Variants in MAP3K11 observed in about 807,000 individuals in gnomAD.
MAP3K11 encodes the protein SH3 domain-containing proline-rich kinase.
In MAP3K11, 46 loss-of-function variants were observed where a neutral mutation model predicts 84.9. The ratio of observed to expected loss-of-function variants is 0.54; its 90% CI spans 0.43 to 0.69. MAP3K11 has a LOEUF of 0.69. Ranked by LOEUF, MAP3K11 falls within the 30% of genes least tolerant of loss-of-function variation. The pLI, the probability that MAP3K11 is intolerant of heterozygous loss-of-function variation, is 0.00. For missense variants in MAP3K11, 1,053 were observed against 1,198.3 expected, an observed-to-expected ratio of 0.88 and a Z score of 1.79; for synonymous variants, 527 against 514.7, an observed-to-expected ratio of 1.02 and a Z score of -0.32.
intron 8 of MAP3K11, 85 bp from the exon 9 acceptor site, chr11:65,599,853 A>C: frequency 6.9e-7 from 1 of 1,445,358 alleles, no homozygotes; most frequent in South Asian, 1.2e-5. Context: ...TCTTGGAACA[A>C]GGACTGAGTT....
At position 65,605,741 on chromosome 11, in the gene MAP3K11, G is replaced by C. The variant is rs7924612; in HGVS notation, c.1831+20C>G. ...GGAAGGAGCTCAGCCAGATCCTGCC[G>C]GGGGAGGAAGGCCACTCACCATTGA... On this transcript the variant is annotated intron_variant, in intron 8 of 9. Coordinates refer to ENST00000309100, the MANE Select transcript of MAP3K11 (RefSeq NM_002419.4). 2.5e-6 allele frequency: 4 copies of C among 1,575,778 alleles called. No individual in the cohort carries two copies. In the South Asian group the frequency reaches 4.5e-5, roughly 18 times the overall value.
At position 65,608,327 on chromosome 11, in the gene MAP3K11, G is replaced by A; in HGVS notation, c.861C>T (p.Ala287=). The change falls in exon 2 of 10, where the codon GCC becomes GCT. Residue 287 remains alanine (A), a synonymous_variant. Coordinates refer to ENST00000309100, the MANE Select transcript of MAP3K11 (RefSeq NM_002419.4). ...TTQMSAAGTY[A]WMAPEVIKAS... is the part of the protein sequence containing the mutation. ...CCTTGATAACCTCAGGAGCCATCCA[G>A]GCGTAGGTGCCCGCGGCACTCATTT... is the stretch of plus-strand genomic sequence containing the variant. 1 of 1,614,252 alleles carries A rather than the reference G, an allele frequency of 6.2e-7. No individual in the cohort carries two copies. Among genetic ancestry groups the A allele is most frequent in the Non-Finnish European group, 8.5e-7 (1 of 1,180,034 alleles).
At chr11:65,612,795 A>T in intron 1 of MAP3K11, 1 of 426,000 alleles carries the variant, frequency 2.3e-6, no homozygotes, top group Non-Finnish European at 4.0e-6. Context: ...CCGCAGCTGC[A>T]GGCTGGGGTC....
intron 9 of MAP3K11, 141 bp from the exon 10 acceptor site, chr11:65,598,769 T>C (rs7932616): frequency 0.23 from 128,312 of 566,610 alleles, 15,769 homozygotes; most frequent in Middle Eastern, 0.32. Flanking sequence ...TCCTGCTCCG[T>C]GGTGCCTCTG....
In MAP3K11 at chr11:65,613,960, C is replaced by G. The variant is rs1457099619; in HGVS notation, c.-204G>C. ...GGCTTCTGGAGGAGGGCACCCAGGG[C>G]AGTGTGGTCAGGCCGGGGGGGTGGG... On this transcript the variant is annotated 5_prime_UTR_variant, in exon 1 of 10. Coordinates refer to ENST00000309100, the MANE Select transcript of MAP3K11 (RefSeq NM_002419.4). 3.0e-6 allele frequency: 2 copies of G among 657,496 alleles called. No homozygotes were observed. The highest frequency in any genetic ancestry group is 5.0e-6 in the Non-Finnish European group (2 of 402,032). The allele number at this position is 657,496 out of a possible 1,614,324, so 40.7% of individuals were successfully genotyped here.
Position 65,598,562 on chromosome 11 carries a change from G to A in MAP3K11, c.2273C>T (p.Ser758Leu), listed in dbSNP as rs1270507044. 6.2e-7 allele frequency: 1 copy of A among 1,604,912 alleles called. No homozygotes were observed. Among genetic ancestry groups the A allele is most frequent in the African/African-American group, 1.3e-5 (1 of 74,968 alleles). ...SAPGTPGTPR[S>L]PPLGLISRPR... is the part of the protein sequence containing the mutation. ...TCGGCTGATGAGGCCCAGGGGTGGT[G>A]AACGTGGGGTGCCTGGGGTGCCAGG... Residue 758 changes from serine (S) to leucine (L), a missense_variant, in exon 10 of 10, where the codon TCA (serine) becomes TTA (leucine). Physicochemically the swap from Ser to Leu is moderately radical, Grantham distance 145 (BLOSUM62 -2). This residue lies in a region of MAP3K11 where 583 missense variants were observed against 566.6 expected (regional missense o/e 1.03). Coordinates refer to ENST00000309100, the MANE Select transcript of MAP3K11 (RefSeq NM_002419.4).
Position 65,606,042 on chromosome 11 carries a change from G to A in MAP3K11, c.1643C>T (p.Ser548Phe), listed in dbSNP as rs1369199782. Reference sequence around the variant, plus strand: ...GCTTGAGTCCTCCAGACGTCGGGGGGACTGGCGGCCCCATGCCTGGCCTGG... The same window carrying A: ...GCTTGAGTCCTCCAGACGTCGGGGGAACTGGCGGCCCCATGCCTGGCCTGG... The part of the protein sequence containing the change: ...AEPGQAWGRQ[S>F]PRRLEDSSNG... The change falls in exon 7 of 10, where the codon TCC becomes TTC. Residue 548 changes from serine (S) to phenylalanine (F), a missense_variant. Ser to Phe is a radical substitution (Grantham distance 155). Coordinates refer to ENST00000309100, the MANE Select transcript of MAP3K11 (RefSeq NM_002419.4). The A allele has an allele frequency of 6.3e-7, 1 of 1,592,686 alleles. No individual in the cohort carries two copies. The highest frequency in any genetic ancestry group is 1.8e-5 in the Admixed American group (1 of 54,596).
At chr11:65,607,114 GA>G (rs1203168490) in intron 5 of MAP3K11, 155 bp downstream of exon 5, 32 of 1,094,036 alleles carry the variant, frequency 2.9e-5, no homozygotes, top group African/African-American at 6.7e-5. Context: ...CCCACAGACA[GA>G]AAAAAAACAC....
chr11:65,606,959 TG>T, intron 5 of MAP3K11, 155 bp from the exon 6 acceptor site: 1 of 593,716 alleles, frequency 1.7e-6, no homozygotes. Flanking sequence ...CTTGAGCCCC[TG>T]GGTCTGGATA....
intron 8 of MAP3K11, among the ~76,000 whole-genome samples, chr11:65,600,108 C>T (rs4608078): frequency 0.014 from 2,094 of 152,340 alleles, 24 homozygotes; most frequent in Non-Finnish European, 0.02. Context: ...AACCTCCAGG[C>T]CCAGGGGCAT....
At chr11:65,606,541 G>A in intron 6 of MAP3K11, 150 bp downstream of exon 6, 1 of 569,548 alleles carries the variant, frequency 1.8e-6, no homozygotes, top group Non-Finnish European at 3.1e-6. Context: ...TGCTTGGGGA[G>A]TTCAGAGGTA....
chr11:65,598,678 G>T (rs1217773406), intron 9 of MAP3K11, 50 bp from the exon 10 acceptor site: 10 of 1,368,488 alleles, frequency 7.3e-6, no homozygotes, highest in Non-Finnish European at 9.8e-6. Flanking sequence ...CAACTGCTGA[G>T]GTCCCCAAGA....
chr11:65,602,000 G>A (rs548773585), intron 8 of MAP3K11, among the ~76,000 whole-genome samples: 4 of 151,482 alleles, frequency 2.6e-5, no homozygotes, highest in South Asian at 2.1e-4. Flanking sequence ...TCAAGAAATC[G>A]AGACCATCCT....
intron 1 of MAP3K11, chr11:65,609,158 A>G (rs995033940): frequency 4.6e-5 from 7 of 152,200 alleles, no homozygotes; most frequent in Admixed American, 2.0e-4. Flanking sequence ...TGATTTCAAG[A>G]GAGATCTGTG....
At chr11:65,598,898 C>T (rs1257946092) in intron 9 of MAP3K11, among the ~76,000 whole-genome samples, 2 of 152,156 alleles carry the variant, frequency 1.3e-5, no homozygotes, top group East Asian at 1.9e-4. Flanking sequence ...CCTTAAATTT[C>T]CTCATCTAAA....
rs375814282 is a variant in MAP3K11, at chr11:65,607,714, G to A, written c.1172C>T (p.Ser391Phe). The change falls in exon 4 of 10, where the codon TCC becomes TTC. Residue 391 changes from serine (S) to phenylalanine (F), a missense_variant. By Grantham distance (155) the Ser-to-Phe change is radical. This residue lies in a region of MAP3K11 where 310 missense variants were observed against 464.5 expected (regional missense o/e 0.67). Coordinates refer to ENST00000309100, the MANE Select transcript of MAP3K11 (RefSeq NM_002419.4). The part of the protein sequence containing the change: ...AQVLREMPRD[S>F]FHSMQEGWKR... ...CCAGCCTTCCTGCATGGAATGGAAG[G>A]AGTCCCGCGGCATTTCCCGTAGGAC... 5.6e-6 allele frequency: 9 copies of A among 1,613,606 alleles called. No individual in the cohort carries two copies. The highest frequency in any genetic ancestry group is 4.0e-5 in the African/African-American group (3 of 74,888).
At chr11:65,606,497 T>C in intron 6 of MAP3K11, 194 bp downstream of exon 6, 1 of 462,384 alleles carries the variant, frequency 2.2e-6, no homozygotes, top group South Asian at 4.7e-5. Flanking sequence ...GTCATACAAT[T>C]ATTTGACTAA....
chr11:65,605,383 C>G (rs1489516420), intron 8 of MAP3K11, among the ~76,000 whole-genome samples: 1 of 152,194 alleles, frequency 6.6e-6, no homozygotes, highest in Non-Finnish European at 1.5e-5. Flanking sequence ...GATTCCTTCC[C>G]CCATCTGGGT....
chr11:65,606,826 GCAGGGTT>G (rs1565144324), intron 5 of MAP3K11, 22 bp from the exon 6 acceptor site: 1 of 1,518,348 alleles, frequency 6.6e-7, no homozygotes, highest in Non-Finnish European at 9.1e-7. Flanking sequence ...GTTGGGGGGA[GCAGGGTT>G]CAGGTTTGTG....
Sources: gnomAD v4.1 joint callset for allele counts (sites outside exome capture counted in the v4.1 genomes callset) on GRCh38, gnomAD v4.1.1 for gene constraint, gnomAD v4.1.1 regional missense constraint, MANE v1.5 for transcripts, NCBI Gene and HGNC (gene_info 2026-07-23, HGNC 2026-07-21) for gene names.